ATRIP: variants seen among roughly 807,000 people sequenced by gnomAD.
ATRIP encodes the protein ATR-interacting protein.
ATRIP carries 44 observed loss-of-function variants against 78.1 expected under a neutral mutation model. The ratio of observed to expected loss-of-function variants is 0.56; its 90% CI spans 0.44 to 0.72. ATRIP has a LOEUF of 0.72. Ranked by LOEUF, ATRIP falls within the 30% of genes least tolerant of loss-of-function variation. The pLI, the probability that ATRIP is intolerant of heterozygous loss-of-function variation, is 0.00. For synonymous variants in ATRIP, 388 were observed against 408.9 expected (o/e 0.95, Z 0.62); for missense variants, 927 against 980.2 (o/e 0.95, Z 0.72).
Position 48,460,449 on chromosome 3 carries a change from G to C in ATRIP, c.1395G>C (p.Glu465Asp). The part of the protein sequence containing the change: ...CVSSGVETNP[E>D]DSVCILEGFS... ...GCTCTGGGGTAGAGACCAACCCTGA[G>C]GACTCAGTGTGCATCCTGGAAGGCT... The change falls in exon 8 of 13, where the codon GAG (glutamate) becomes GAC (aspartate). Residue 465 changes from glutamate to aspartate, a missense_variant. Coordinates refer to ENST00000320211, the MANE Select transcript of ATRIP (RefSeq NM_130384.3). The C allele has an allele frequency of 6.2e-7, 1 of 1,611,582 alleles. No homozygotes were observed. The highest frequency in any genetic ancestry group is 8.5e-7 in the Non-Finnish European group (1 of 1,178,648).
At position 48,456,317 on chromosome 3, in the gene ATRIP, G is replaced by A. The variant is rs545978541; in HGVS notation, c.672-942G>A. ...AAAATTACTGGCCCCAGTGGCTCAC[G>A]CCTGTAATCCCAGCATTTTGGGAAG... On this transcript the variant is annotated intron_variant, in intron 4 of 12. Transcript: ENST00000320211. 7.2e-5 allele frequency among the ~76,000 whole-genome samples: 11 copies of A among 152,014 alleles called. No individual in the cohort carries two copies. In the East Asian group the frequency reaches 1.9e-3, roughly 27 times the overall value.
chr3:48,447,610 T>A (rs190124138), intron 1 of ATRIP: 3 of 886,308 alleles, frequency 3.4e-6, no homozygotes, highest in Non-Finnish European at 4.1e-6. Flanking sequence ...GACCTTACAA[T>A]GAACAAAATA....
At chr3:48,457,188 A>G (rs2039974971) in intron 4 of ATRIP, 71 bp from the exon 5 acceptor site, 11 of 1,370,302 alleles carry the variant, frequency 8.0e-6, no homozygotes, top group Non-Finnish European at 9.6e-7. Context: ...TTTGTTAGAA[A>G]TTTTGTAACC....
chr3:48,464,278 G>C, intron 10 of ATRIP, 146 bp downstream of exon 10: 1 of 782,318 alleles, frequency 1.3e-6, no homozygotes, highest in Non-Finnish European at 2.1e-6. Context: ...GGTAAACTCA[G>C]TTTGGGGGCT....
At position 48,467,084 on chromosome 3, in the gene ATRIP, C is replaced by T. The variant is rs1300401892; in HGVS notation, c.*1530C>T. 9.3e-6 allele frequency: 15 copies of T among 1,613,882 alleles called. No individual in the cohort carries two copies. Among genetic ancestry groups the T allele is most frequent in the Middle Eastern group, 3.3e-4 (2 of 6,084 alleles). ...AAGCAGAGCTGGCTATGCTGGGCCT[C>T]ACCAGTGCTCTGGATGGTGCCTTCT... On this transcript the variant is annotated 3_prime_UTR_variant, in exon 13 of 13. Transcript: ENST00000320211.
chr3:48,467,561 C>T lies in ATRIP; in HGVS notation c.*2007C>T. 1.2e-6 allele frequency: 2 copies of T among 1,613,774 alleles called. No homozygotes were observed. Among genetic ancestry groups the T allele is most frequent in the Non-Finnish European group, 1.7e-6 (2 of 1,179,926 alleles). ...TGGCCATCCTGACCTTGGCAGTAGC[C>T]ACACTGTATGGACTATCCCTGGCCA... On this transcript the variant is annotated 3_prime_UTR_variant, in exon 13 of 13. Transcript: ENST00000320211.
intron 7 of ATRIP, 30 bp from the exon 8 acceptor site, chr3:48,460,080 T>C (rs1560106290): frequency 6.3e-7 from 1 of 1,586,396 alleles, no homozygotes; most frequent in South Asian, 1.2e-5. Context: ...ATCCCACACT[T>C]AATCTATTTT....
chr3:48,466,223 A>G lies in ATRIP; in HGVS notation c.*669A>G. ...GTGGGCCTGTAGGCGGGCCCACGCC[A>G]AGTTTCACTTCCCGCCACTGCTGCC... is the stretch of plus-strand genomic sequence containing the variant. On this transcript the variant is annotated 3_prime_UTR_variant, in exon 13 of 13. Transcript: ENST00000320211. The G allele has an allele frequency of 1.7e-6, 1 of 577,822 alleles. No individual in the cohort carries two copies. Among genetic ancestry groups the G allele is most frequent in the South Asian group, 2.0e-5 (1 of 51,022 alleles). 35.8% of individuals were successfully genotyped at this position (577,822 alleles called of 1,614,324 possible). A position where few individuals can be genotyped will look rare whatever the true frequency, so the allele number is the denominator to read the frequency against.
intron 8 of ATRIP, among the ~76,000 whole-genome samples, chr3:48,462,686 G>A (rs1297998968): frequency 6.6e-6 from 1 of 152,102 alleles, no homozygotes; most frequent in Non-Finnish European, 1.5e-5. Context: ...CTGGGTGACA[G>A]AGCGAGACTC....
chr3:48,453,951 G>GATCTT (rs1407418387), intron 3 of ATRIP, among the ~76,000 whole-genome samples: 1 of 151,972 alleles, frequency 6.6e-6, no homozygotes, highest in African/African-American at 2.4e-5. Flanking sequence ...GTAGAGGCAA[G>GATCTT]ATCTTGCTAT....
In ATRIP at chr3:48,466,198, G is replaced by A. The variant is rs995264196; in HGVS notation, c.*644G>A. 4.4e-5 allele frequency: 24 copies of A among 544,188 alleles called. No homozygotes were observed. The highest frequency in any genetic ancestry group is 3.1e-5 in the Admixed American group (1 of 32,420). 33.7% of individuals were successfully genotyped at this position (544,188 alleles called of 1,614,324 possible). ...GACGAGCAGGGCGGGCCTGGCTCAC[G>A]TGGGCCTGTAGGCGGGCCCACGCCA... On this transcript the variant is annotated 3_prime_UTR_variant, in exon 13 of 13. Transcript: ENST00000320211.
At chr3:48,456,303 C>A (rs1363240202) in intron 4 of ATRIP, among the ~76,000 whole-genome samples, 1 of 151,176 alleles carries the variant, frequency 6.6e-6, no homozygotes, top group African/African-American at 2.4e-5. Flanking sequence ...AAATTACTGG[C>A]CCCAGTGGCT....
intron 2 of ATRIP, 35 bp from the exon 3 acceptor site, chr3:48,451,694 A>C: frequency 6.4e-7 from 1 of 1,552,604 alleles, no homozygotes; most frequent in Non-Finnish European, 8.7e-7. Context: ...GTTTTCTCTT[A>C]CAAAGTTTTC....
chr3:48,450,245 T>C (rs919515391), intron 2 of ATRIP, 75 bp downstream of exon 2: 4 of 1,505,710 alleles, frequency 2.7e-6, no homozygotes, highest in Admixed American at 2.1e-5. Flanking sequence ...CAGTAAAATA[T>C]ACAAAAGTTG....
At chr3:48,454,824 C>T (rs2039914783) in intron 4 of ATRIP, among the ~76,000 whole-genome samples, 1 of 151,868 alleles carries the variant, frequency 6.6e-6, no homozygotes, top group Non-Finnish European at 1.5e-5. Flanking sequence ...CCTTGTCCAA[C>T]AGCCCCATCC....
intron 1 of ATRIP, among the ~76,000 whole-genome samples, chr3:48,448,679 T>C (rs1233314518): frequency 6.6e-6 from 1 of 152,256 alleles, no homozygotes; most frequent in African/African-American, 2.4e-5. Flanking sequence ...TCTTTGTACA[T>C]TGAGTATACT....
In ATRIP at chr3:48,463,818, G is replaced by A; in HGVS notation, c.1819G>A (p.Val607Ile). ...ETPLPSVLLA[V>I]ELLSLLADHD... ...ACCCCTGCCTAGCGTGCTGCTGGCT[G>A]TTGAGCTCCTCTCCCTGCTGGCGGA... Residue 607 changes from valine (V) to isoleucine (I), a missense_variant, in exon 9 of 13, where the codon GTT (valine) becomes ATT (isoleucine). Coordinates refer to ENST00000320211, the MANE Select transcript of ATRIP (RefSeq NM_130384.3). The A allele has an allele frequency of 1.9e-6, 3 of 1,614,140 alleles. No homozygotes were observed. The highest frequency in any genetic ancestry group is 2.5e-6 in the Non-Finnish European group (3 of 1,180,024).
intron 8 of ATRIP, among the ~76,000 whole-genome samples, chr3:48,461,677 G>C (rs1019812114): frequency 6.6e-6 from 1 of 151,222 alleles, no homozygotes; most frequent in Non-Finnish European, 1.5e-5. Context: ...CATAGTGGCT[G>C]TTTTTTTTTG....
chr3:48,455,264 G>T (rs552675103), intron 4 of ATRIP, among the ~76,000 whole-genome samples: 1 of 152,280 alleles, frequency 6.6e-6, no homozygotes, highest in South Asian at 2.1e-4. Flanking sequence ...AACTCTCCAT[G>T]CCTTGCATTG....
Sources: gnomAD v4.1 joint callset for allele counts (sites outside exome capture counted in the v4.1 genomes callset) on GRCh38, gnomAD v4.1.1 for gene constraint, MANE v1.5 for transcripts, NCBI Gene and HGNC (gene_info 2026-07-23, HGNC 2026-07-21) for gene names.